STK10: variants seen among roughly 807,000 people sequenced by gnomAD.
STK10 encodes the protein serine/threonine kinase 10.
A neutral mutation model predicts 113.8 loss-of-function variants in STK10; 78 were observed. The observed-to-expected ratio is 0.69, with a 90% CI of 0.57 to 0.83. The LOEUF is 0.83. STK10 is among the 40% of genes least tolerant of loss of function. The pLI, the probability that STK10 is intolerant of heterozygous loss-of-function variation, is 0.00. For synonymous variants in STK10, 465 were observed against 494.7 expected, an observed-to-expected ratio of 0.94 and a Z score of 0.80; for missense variants, 1,109 against 1,280.1, an observed-to-expected ratio of 0.87 and a Z score of 2.04.
intron 2 of STK10, among the ~76,000 whole-genome samples, chr5:172,136,868 C>T (rs1000187145): frequency 2.0e-5 from 3 of 151,328 alleles, no homozygotes; most frequent in African/African-American, 7.3e-5. Context: ...GATACACGTG[C>T]AGAACATGTA....
At chr5:172,119,655 G>C (rs990279229) in intron 3 of STK10, among the ~76,000 whole-genome samples, 1 of 151,892 alleles carries the variant, frequency 6.6e-6, no homozygotes, top group Non-Finnish European at 1.5e-5. Context: ...ACGAGGTCAG[G>C]AGATCGAGAC....
chr5:172,105,224 C>T (rs879622647), intron 7 of STK10, among the ~76,000 whole-genome samples: 3 of 149,078 alleles, frequency 2.0e-5, no homozygotes, highest in Non-Finnish European at 3.0e-5. Context: ...CTGTCCCAGG[C>T]GTTTGCCTCC....
chr5:172,074,554 A>G (rs541217824), intron 12 of STK10, among the ~76,000 whole-genome samples: 1 of 152,350 alleles, frequency 6.6e-6, no homozygotes, highest in East Asian at 1.9e-4. Flanking sequence ...TATATCTTAT[A>G]TAACAATGAA....
intron 1 of STK10, among the ~76,000 whole-genome samples, chr5:172,169,015 C>G (rs1203684112): frequency 6.6e-6 from 1 of 152,166 alleles, no homozygotes. Flanking sequence ...TTCCCTCTCA[C>G]TCAGCCCCGT....
chr5:172,176,870 G>A (rs1267559045), intron 1 of STK10, among the ~76,000 whole-genome samples: 1 of 152,132 alleles, frequency 6.6e-6, no homozygotes, highest in Non-Finnish European at 1.5e-5. Flanking sequence ...TGAGATTAGT[G>A]TTCTTGTAAA....
chr5:172,158,166 T>C (rs1770393111), intron 1 of STK10, among the ~76,000 whole-genome samples: 1 of 152,082 alleles, frequency 6.6e-6, no homozygotes. Flanking sequence ...CCCTTGTGCA[T>C]TGTTGGTGGG....
At chr5:172,052,040 G>A (rs1278812898) in intron 18 of STK10, among the ~76,000 whole-genome samples, 5 of 152,270 alleles carry the variant, frequency 3.3e-5, no homozygotes, top group Middle Eastern at 3.4e-3. Context: ...AACTCTCCCC[G>A]CTCCTCTGCG....
chr5:172,071,016 T>C (rs1453875314), intron 12 of STK10, among the ~76,000 whole-genome samples: 1 of 151,720 alleles, frequency 6.6e-6, no homozygotes, highest in Non-Finnish European at 1.5e-5. Context: ...AAGACCAGCC[T>C]GGCTAACATG....
At chr5:172,074,791 GGC>G (rs539075570) in intron 12 of STK10, among the ~76,000 whole-genome samples, 113 of 152,292 alleles carry the variant, frequency 7.4e-4, no homozygotes, top group Non-Finnish European at 1.5e-3. Flanking sequence ...AACCGAAGCA[GGC>G]GGATCACTTG....
intron 7 of STK10, among the ~76,000 whole-genome samples, chr5:172,103,223 G>A (rs114569643): frequency 0.011 from 1,692 of 152,296 alleles, 32 homozygotes; most frequent in African/African-American, 0.039. Flanking sequence ...CTCTGATCCC[G>A]GTGTCCTCCC....
At chr5:172,136,597 A>AAAATAAAT (rs58897747) in intron 2 of STK10, among the ~76,000 whole-genome samples, 210 of 151,240 alleles carry the variant, frequency 1.4e-3, no homozygotes, top group African/African-American at 3.5e-3. Flanking sequence ...ACTCCGTCTC[A>AAAATAAAT]AAATAAATAA....
intron 1 of STK10, among the ~76,000 whole-genome samples, chr5:172,168,444 G>A (rs1168232456): frequency 1.3e-5 from 2 of 152,274 alleles, no homozygotes; most frequent in East Asian, 3.9e-4. Context: ...GCTGACATGG[G>A]CTTGAGTTTA....
intron 2 of STK10, among the ~76,000 whole-genome samples, chr5:172,139,519 G>A (rs1322095844): frequency 2.0e-5 from 3 of 151,024 alleles, no homozygotes; most frequent in Admixed American, 6.6e-5. Context: ...AGAAAAGAGA[G>A]AGGGAGTCCA....
At chr5:172,049,501 A>G (rs1418553558) in intron 18 of STK10, among the ~76,000 whole-genome samples, 1 of 152,086 alleles carries the variant, frequency 6.6e-6, no homozygotes, top group Non-Finnish European at 1.5e-5. Flanking sequence ...CTATTTGGGT[A>G]CTGAAATCTG....
chr5:172,068,206 T>C (rs1276933356), intron 12 of STK10, among the ~76,000 whole-genome samples: 1 of 152,042 alleles, frequency 6.6e-6, no homozygotes, highest in Non-Finnish European at 1.5e-5. Context: ...CTGGGTATGG[T>C]GACAGGCGCC....
At chr5:172,168,124 CCT>C (rs1323735054) in intron 1 of STK10, among the ~76,000 whole-genome samples, 1 of 152,120 alleles carries the variant, frequency 6.6e-6, no homozygotes, top group East Asian at 1.9e-4. Flanking sequence ...TTCCTATTTC[CCT>C]GTCTTTATTC....
At chr5:172,085,053 T>A (rs945353079) in intron 10 of STK10, among the ~76,000 whole-genome samples, 2 of 152,146 alleles carry the variant, frequency 1.3e-5, no homozygotes, top group Non-Finnish European at 2.9e-5. Flanking sequence ...AAGACCAGCC[T>A]GGGCCACATA....
At chr5:172,062,246 T>G (rs1281547607) in intron 13 of STK10, among the ~76,000 whole-genome samples, 1 of 152,042 alleles carries the variant, frequency 6.6e-6, no homozygotes, top group African/African-American at 2.4e-5. Flanking sequence ...CCTATTCCTG[T>G]GTTTTTAATT....
At chr5:172,185,797 G>A (rs1230838333) in intron 1 of STK10, among the ~76,000 whole-genome samples, 1 of 152,222 alleles carries the variant, frequency 6.6e-6, no homozygotes, top group Non-Finnish European at 1.5e-5. Context: ...CAGCTCTGAG[G>A]AGAGTAAAGA....
Sources: gnomAD v4.1 joint callset for allele counts (sites outside exome capture counted in the v4.1 genomes callset) on GRCh38, gnomAD v4.1.1 for gene constraint, MANE v1.5 for transcripts, NCBI Gene and HGNC (gene_info 2026-07-23, HGNC 2026-07-21) for gene names.